The following ARHGAP21 variants were observed in gnomAD, a reference collection of about 807,000 sequenced individuals.
The protein encoded by ARHGAP21 is Rho GTPase activating protein 21.
Under a neutral mutation model 164.6 loss-of-function variants are expected in ARHGAP21, and 38 were observed. That is an observed-to-expected ratio of 0.23 (90% CI 0.18 to 0.30). ARHGAP21 has a LOEUF of 0.30. Ranked by LOEUF, ARHGAP21 falls within the 10% of genes least tolerant of loss-of-function variation. The pLI, the probability that ARHGAP21 is intolerant of heterozygous loss-of-function variation, is 1.00. For missense variants in ARHGAP21, 1,822 were observed against 2,370.7 expected (o/e 0.77, Z 4.81); for synonymous variants, 766 against 857.9 (o/e 0.89, Z 1.87).
rs747391102 is a variant in ARHGAP21 at position 24,585,375 on chromosome 10, C to T, written c.4914G>A (p.Glu1638=). Residue 1638 remains glutamate, a synonymous_variant, in exon 26 of 26, where the codon GAG becomes GAA. Coordinates refer to ENST00000396432, the MANE Select transcript of ARHGAP21 (RefSeq NM_020824.4). The stretch of plus-strand genomic sequence containing the variant: ...CTGTGGGGAACACGGGAAACTCGCT[C>T]TCGCTGTCGGTTTCCACAGGCCGCC... ...SEGRPVETDS[E]SEFPVFPTAL... is the part of the protein sequence containing the mutation. The T allele has an allele frequency of 6.2e-7, 1 of 1,613,914 alleles. No individual in the cohort carries two copies. Among genetic ancestry groups the T allele is most frequent in the South Asian group, 1.1e-5 (1 of 91,074 alleles).
intron 7 of ARHGAP21, 191 bp from the exon 8 acceptor site, chr10:24,622,953 A>C: frequency 3.8e-6 from 2 of 527,710 alleles, no homozygotes; most frequent in Non-Finnish European, 6.7e-6. Flanking sequence ...TCTTTTTCTC[A>C]GGCTTTTATC....
At chr10:24,608,346 C>T (rs903752487) in intron 9 of ARHGAP21, among the ~76,000 whole-genome samples, 1 of 152,124 alleles carries the variant, frequency 6.6e-6, no homozygotes, top group Admixed American at 6.5e-5. Context: ...ACCGTATCCC[C>T]GCCTCATCCC....
chr10:24,606,823 A>G (rs563856680), intron 11 of ARHGAP21, among the ~76,000 whole-genome samples: 1 of 152,358 alleles, frequency 6.6e-6, no homozygotes, highest in African/African-American at 2.4e-5. Flanking sequence ...CCTGGGCAAC[A>G]AGAGCAAAAT....
At chr10:24,674,404 T>C (rs745520518) in intron 2 of ARHGAP21, among the ~76,000 whole-genome samples, 1 of 151,980 alleles carries the variant, frequency 6.6e-6, no homozygotes, top group African/African-American at 2.4e-5. Flanking sequence ...TGTGGTGGCA[T>C]GCGCCTGTAA....
At chr10:24,593,899 G>A (rs1245349449) in intron 21 of ARHGAP21, among the ~76,000 whole-genome samples, 2 of 149,622 alleles carry the variant, frequency 1.3e-5, no homozygotes, top group Admixed American at 6.7e-5. Flanking sequence ...TAACCATTTT[G>A]TAGCCCTATC....
chr10:24,714,831 G>A (rs1593383287), intron 2 of ARHGAP21, among the ~76,000 whole-genome samples: 1 of 151,858 alleles, frequency 6.6e-6, no homozygotes, highest in African/African-American at 2.4e-5. Flanking sequence ...TCAGGAGATC[G>A]AGACCATCCT....
intron 16 of ARHGAP21, 109 bp from the exon 17 acceptor site, chr10:24,596,991 TATAA>T: frequency 1.7e-6 from 2 of 1,193,736 alleles, no homozygotes; most frequent in Non-Finnish European, 2.3e-6. Flanking sequence ...AGTCCTGTAA[TATAA>T]ATAATACATC....
intron 2 of ARHGAP21, among the ~76,000 whole-genome samples, chr10:24,704,422 C>G (rs1844018073): frequency 6.6e-6 from 1 of 150,738 alleles, no homozygotes; most frequent in African/African-American, 2.4e-5. Flanking sequence ...TCCCGAGTAG[C>G]TGGGACTATA....
chr10:24,689,458 G>A (rs1183441791), intron 2 of ARHGAP21, among the ~76,000 whole-genome samples: 2 of 152,112 alleles, frequency 1.3e-5, no homozygotes, highest in African/African-American at 4.8e-5. Flanking sequence ...AATATACACT[G>A]GCTGGAAGTG....
chr10:24,620,770 G>C lies in ARHGAP21; in HGVS notation c.1125C>G (p.His375Gln), dbSNP rs1834460255. ...AVEAPSVSVN[H>Q]YSPNSHQHID... ...TGTGCTGATGGGAATTTGGCGAATA[G>C]TGATTAACAGATACAGAGGGAGCCT... Residue 375 changes from histidine to glutamine, a missense_variant, in exon 9 of 26, where the codon CAC becomes CAG. Coordinates refer to ENST00000396432, the MANE Select transcript of ARHGAP21 (RefSeq NM_020824.4). The C allele has an allele frequency of 6.2e-7, 1 of 1,614,196 alleles. No individual in the cohort carries two copies. Among genetic ancestry groups the C allele is most frequent in the Non-Finnish European group, 8.5e-7 (1 of 1,180,038 alleles).
At chr10:24,697,623 G>A (rs1322244833) in intron 2 of ARHGAP21, among the ~76,000 whole-genome samples, 3 of 152,120 alleles carry the variant, frequency 2.0e-5, no homozygotes, top group African/African-American at 7.2e-5. Flanking sequence ...TTGGGAGGCC[G>A]AAGTGGGTGG....
At chr10:24,688,282 C>T (rs561620554) in intron 2 of ARHGAP21, among the ~76,000 whole-genome samples, 1 of 152,200 alleles carries the variant, frequency 6.6e-6, no homozygotes, top group African/African-American at 2.4e-5. Flanking sequence ...ATCCCAGGTA[C>T]TCAGGAGGCT....
chr10:24,618,160 G>A (rs1834175940), intron 9 of ARHGAP21, among the ~76,000 whole-genome samples: 1 of 152,198 alleles, frequency 6.6e-6, no homozygotes, highest in South Asian at 2.1e-4. Context: ...GTTAGCAGAT[G>A]ATGTTTTAGA....
chr10:24,683,784 G>A (rs1841989261), intron 2 of ARHGAP21, among the ~76,000 whole-genome samples: 2 of 152,166 alleles, frequency 1.3e-5, no homozygotes, highest in African/African-American at 2.4e-5. Flanking sequence ...CCTTCCCTTT[G>A]GACATGCACA....
intron 2 of ARHGAP21, among the ~76,000 whole-genome samples, chr10:24,700,445 C>T (rs1843563320): frequency 6.6e-6 from 1 of 152,212 alleles, no homozygotes; most frequent in South Asian, 2.1e-4. Context: ...CAAGGCAAAA[C>T]CCTCGGAGTT....
intron 2 of ARHGAP21, among the ~76,000 whole-genome samples, chr10:24,684,103 G>A (rs901176455): frequency 3.9e-5 from 6 of 152,026 alleles, no homozygotes; most frequent in Non-Finnish European, 8.8e-5. Context: ...CTTGGCCAAC[G>A]TATCAAAACA....
chr10:24,665,792 C>A (rs1840132886), intron 4 of ARHGAP21, among the ~76,000 whole-genome samples: 1 of 152,148 alleles, frequency 6.6e-6, no homozygotes, highest in South Asian at 2.1e-4. Context: ...GAGAAAACAT[C>A]AGATAAACTG....
chr10:24,606,796 G>A (rs1175220217), intron 11 of ARHGAP21, among the ~76,000 whole-genome samples: 4 of 152,044 alleles, frequency 2.6e-5, no homozygotes, highest in South Asian at 2.1e-4. Flanking sequence ...AGCCGAGATC[G>A]CACCATTGCA....
chr10:24,594,899 T>A (rs1228425323), intron 21 of ARHGAP21, 51 bp downstream of exon 21: 1 of 1,453,916 alleles, frequency 6.9e-7, no homozygotes, highest in Admixed American at 1.8e-5. Flanking sequence ...AAGCATATCT[T>A]TTAAACTAAA....
Sources: gnomAD v4.1 joint callset for allele counts (sites outside exome capture counted in the v4.1 genomes callset) on GRCh38, gnomAD v4.1.1 for gene constraint, MANE v1.5 for transcripts, NCBI Gene and HGNC (gene_info 2026-07-23, HGNC 2026-07-21) for gene names.